Variants in C3orf70 observed in about 807,000 individuals in gnomAD.
C3orf70 encodes the protein UPF0524 protein C3orf70.
A neutral mutation model predicts 20.7 loss-of-function variants in C3orf70; 15 were observed. The observed-to-expected ratio is 0.72, with a 90% CI of 0.48 to 1.11. The LOEUF is 1.11. C3orf70 is among the 50% of genes most tolerant of loss of function. The probability of loss-of-function intolerance (pLI) is 0.00; values close to 1 mark genes in which losing one functional copy is unlikely to be tolerated. For missense variants in C3orf70, 332 were observed against 317.6 expected (o/e 1.05, Z -0.34); for synonymous variants, 161 against 125.7 (o/e 1.28, Z -1.88).
At chr3:185,089,769 G>A (rs1020868308) in intron 1 of C3orf70, among the ~76,000 whole-genome samples, 1 of 152,090 alleles carries the variant, frequency 6.6e-6, no homozygotes, top group Non-Finnish European at 1.5e-5. Context: ...AACCAACTGT[G>A]ACCAGAAAAT....
At chr3:185,121,165 T>C (rs1442775802) in intron 1 of C3orf70, among the ~76,000 whole-genome samples, 1 of 151,978 alleles carries the variant, frequency 6.6e-6, no homozygotes, top group Non-Finnish European at 1.5e-5. Context: ...CACTCATAAA[T>C]GGAGCTAAGC....
chr3:185,084,114 C>T (rs190617073), intron 1 of C3orf70, among the ~76,000 whole-genome samples: 20 of 151,462 alleles, frequency 1.3e-4, no homozygotes, highest in Admixed American at 5.3e-4. Flanking sequence ...GATCCAGAAG[C>T]GGAGGTTGCA....
intron 1 of C3orf70, among the ~76,000 whole-genome samples, chr3:185,126,736 A>C (rs779574338): frequency 6.6e-6 from 1 of 152,180 alleles, no homozygotes; most frequent in Non-Finnish European, 1.5e-5. Context: ...TCCTAGTGCA[A>C]AACGAAAATG....
At chr3:185,136,451 C>T (rs1448054244) in intron 1 of C3orf70, among the ~76,000 whole-genome samples, 4 of 151,854 alleles carry the variant, frequency 2.6e-5, no homozygotes, top group African/African-American at 2.4e-5. Flanking sequence ...AGGCCAGGCG[C>T]GGTGGCTCAC....
At chr3:185,150,620 G>C (rs752813408) in intron 1 of C3orf70, among the ~76,000 whole-genome samples, 3 of 152,202 alleles carry the variant, frequency 2.0e-5, no homozygotes, top group Non-Finnish European at 1.5e-5. Flanking sequence ...ATGTGATGAA[G>C]ATATCAGAAA....
At chr3:185,095,749 T>G (rs1418623848) in intron 1 of C3orf70, among the ~76,000 whole-genome samples, 2 of 150,872 alleles carry the variant, frequency 1.3e-5, no homozygotes, top group Non-Finnish European at 3.0e-5. Context: ...TTTTTTTTTT[T>G]TTTTTTGAGA....
chr3:185,102,241 G>A (rs1715837469), intron 1 of C3orf70, among the ~76,000 whole-genome samples: 1 of 152,112 alleles, frequency 6.6e-6, no homozygotes, highest in Non-Finnish European at 1.5e-5. Flanking sequence ...CAAATTCAAT[G>A]TACAGAAATG....
chr3:185,098,899 A>G (rs1169208667), intron 1 of C3orf70, among the ~76,000 whole-genome samples: 3 of 152,170 alleles, frequency 2.0e-5, no homozygotes, highest in African/African-American at 4.8e-5. Context: ...CGTCATCCAC[A>G]CTGTCAGCTC....
At position 185,106,005 on chromosome 3, in the gene C3orf70, G is replaced by A. The variant is rs1359381924; in HGVS notation, c.197-22442C>T. Among the ~76,000 whole-genome samples the A allele has an allele frequency of 2.6e-5, 4 of 152,074 alleles. No individual in the cohort carries two copies. The East Asian group carries it at 7.7e-4, about 29-fold the overall frequency. ...AGCTAAAGTGGCAAAGGAAGGAGAG[G>A]TTCATCCCTATCCTTCTGCACCCCC... On this transcript the variant is annotated intron_variant, in intron 1 of 1. Coordinates refer to ENST00000335012, the MANE Select transcript of C3orf70 (RefSeq NM_001025266.3).
At chr3:185,114,525 T>A (rs1381012478) in intron 1 of C3orf70, among the ~76,000 whole-genome samples, 1 of 152,156 alleles carries the variant, frequency 6.6e-6, no homozygotes, top group Non-Finnish European at 1.5e-5. Context: ...AGATTCCCCA[T>A]CAGAAACCTA....
intron 1 of C3orf70, among the ~76,000 whole-genome samples, chr3:185,096,067 C>T (rs1307802440): frequency 6.6e-6 from 1 of 152,110 alleles, no homozygotes; most frequent in Non-Finnish European, 1.5e-5. Context: ...ATAATAAACA[C>T]ATTCAAGTAT....
At chr3:185,092,119 G>A (rs1577319108) in intron 1 of C3orf70, among the ~76,000 whole-genome samples, 1 of 150,986 alleles carries the variant, frequency 6.6e-6, no homozygotes, top group Non-Finnish European at 1.5e-5. Flanking sequence ...TTTTGAAATT[G>A]TTTATCTCAT....
At chr3:185,088,527 A>C (rs1196101004) in intron 1 of C3orf70, among the ~76,000 whole-genome samples, 1 of 151,784 alleles carries the variant, frequency 6.6e-6, no homozygotes. Flanking sequence ...TAAATCTATG[A>C]TTTTTTTTCA....
chr3:185,099,799 T>C (rs918968758), intron 1 of C3orf70, among the ~76,000 whole-genome samples: 2 of 152,206 alleles, frequency 1.3e-5, no homozygotes, highest in South Asian at 2.1e-4. Context: ...CCCATTATTA[T>C]GCTGTCTTCA....
chr3:185,089,443 G>A (rs891386450), intron 1 of C3orf70, among the ~76,000 whole-genome samples: 7 of 152,006 alleles, frequency 4.6e-5, no homozygotes, highest in Non-Finnish European at 7.4e-5. Context: ...GACATTACTC[G>A]TTTATTTGTA....
rs1341141555 is a variant in C3orf70 at position 185,138,180 on chromosome 3, G to C, written c.196+14448C>G. 2.6e-5 allele frequency among the ~76,000 whole-genome samples: 4 copies of C among 152,142 alleles called. No individual in the cohort carries two copies. The East Asian group carries it at 5.8e-4, about 22-fold the overall frequency. On this transcript the variant is annotated intron_variant, in intron 1 of 1. Transcript: ENST00000335012. ...AACCAATTCCTGAAAAAATGCCAAT[G>C]ATCTACATTCATTCCTTGATAATAA...
At chr3:185,135,421 G>C (rs1227584516) in intron 1 of C3orf70, among the ~76,000 whole-genome samples, 2 of 152,150 alleles carry the variant, frequency 1.3e-5, no homozygotes, top group Non-Finnish European at 2.9e-5. Context: ...AGGAGTTCAA[G>C]CCCAGCCTGG....
chr3:185,134,116 C>CATATATATATATATATATATAT (rs1553921592), intron 1 of C3orf70, among the ~76,000 whole-genome samples: 3 of 134,674 alleles, frequency 2.2e-5, no homozygotes, highest in African/African-American at 8.0e-5. Context: ...AAAAATACAT[C>CATATATATATATATATATATAT]ATATATATAT....
chr3:185,121,016 G>A (rs960513975), intron 1 of C3orf70, among the ~76,000 whole-genome samples: 3 of 152,044 alleles, frequency 2.0e-5, no homozygotes, highest in Admixed American at 6.6e-5. Context: ...AAGAAAATGT[G>A]GTATATATGT....
Sources: allele counts gnomAD v4.1 joint callset (sites outside exome capture counted in the v4.1 genomes callset), GRCh38; gene constraint gnomAD v4.1.1; transcripts MANE v1.5; gene names NCBI Gene and HGNC (gene_info 2026-07-23, HGNC 2026-07-21).